Variants in TBC1D30 observed in about 807,000 individuals in gnomAD.
TBC1D30 encodes TBC1 domain family, member 30.
Under a neutral mutation model 63.2 loss-of-function variants are expected in TBC1D30, and 31 were observed. The observed-to-expected ratio is 0.49, with a 90% CI of 0.37 to 0.66. The LOEUF is 0.66. Ranked by LOEUF, TBC1D30 falls within the 30% of genes least tolerant of loss-of-function variation. The pLI is 0.00. For synonymous variants in TBC1D30, 307 were observed against 361.5 expected (o/e 0.85, Z 1.71); for missense variants, 810 against 953.6 (o/e 0.85, Z 1.98).
At chr12:64,803,730 T>C (rs1305718135) in intron 2 of TBC1D30, among the ~76,000 whole-genome samples, 1 of 152,238 alleles carries the variant, frequency 6.6e-6, no homozygotes, top group African/African-American at 2.4e-5. Flanking sequence ...TAGCCAGTTT[T>C]CCCAGCACCA....
chr12:64,818,767 A>G (rs1873707920), intron 2 of TBC1D30: 1 of 152,180 alleles, frequency 6.6e-6, no homozygotes, highest in Admixed American at 6.5e-5. Flanking sequence ...TAGCGTATGT[A>G]CTGTGTTCAT....
rs1001290648 is a variant in TBC1D30, at chr12:64,875,797, C to T, written c.*9C>T. The stretch of plus-strand genomic sequence containing the variant: ...GCACTAAAAAACGATGATGTCTCCC[C>T]GAAACTTTGTATCTGGACTCACCTT... On this transcript the variant is annotated 3_prime_UTR_variant, in exon 12 of 12. Transcript: ENST00000539867. The T allele has an allele frequency of 2.6e-5, 39 of 1,522,134 alleles. No individual in the cohort carries two copies. The Middle Eastern group carries it at 1.0e-3, about 40-fold the overall frequency. The allele number at this position is 1,522,134 out of a possible 1,614,324, so 94.3% of individuals were successfully genotyped here. A position where few individuals can be genotyped will look rare whatever the true frequency, so the allele number is the denominator to read the frequency against.
At chr12:64,838,305 A>AT (rs1875544657) in intron 6 of TBC1D30, among the ~76,000 whole-genome samples, 1 of 152,220 alleles carries the variant, frequency 6.6e-6, no homozygotes, top group Admixed American at 6.5e-5. Flanking sequence ...GCATTTGAAT[A>AT]TAAGTGGGCA....
In TBC1D30 at chr12:64,875,878, A is replaced by T; in HGVS notation, c.*90A>T. 1 of 1,316,430 alleles carries T rather than the reference A, an allele frequency of 7.6e-7. No individual in the cohort carries two copies. The highest frequency in any genetic ancestry group is 1.0e-6 in the Non-Finnish European group (1 of 990,600). The allele number at this position is 1,316,430 out of a possible 1,614,324, so 81.5% of individuals were successfully genotyped here. ...GGCTCTAAAAGAGTTTTATTTGTCC[A>T]GTGAAAATGAATAGGTTCAGGGATG... On this transcript the variant is annotated 3_prime_UTR_variant, in exon 12 of 12. Coordinates refer to ENST00000539867, the MANE Select transcript of TBC1D30 (RefSeq NM_015279.2).
Position 64,875,322 on chromosome 12 carries a change from C to T in TBC1D30, c.1820C>T (p.Ala607Val), listed in dbSNP as rs1878968587. The T allele has an allele frequency of 3.3e-6, 5 of 1,536,288 alleles. No homozygotes were observed. The highest frequency in any genetic ancestry group is 4.4e-6 in the Non-Finnish European group (5 of 1,146,918). Residue 607 changes from alanine (A) to valine (V), a missense_variant, in exon 12 of 12, where the codon GCA (alanine) becomes GTA (valine). Ala to Val is a moderately conservative substitution (Grantham distance 64, BLOSUM62 0). Transcript: ENST00000539867. ...AGCAAGACCAATGGGCTGGGGGCAG[C>T]AGAGGCATTCCCCTCTGGTTGTACA... ...EASKTNGLGA[A>V]EAFPSGCTAT...
upstream of TBC1D30, among the ~76,000 whole-genome samples, chr12:64,776,146 A>G (rs543010542): frequency 1.1e-4 from 17 of 152,356 alleles, no homozygotes; most frequent in African/African-American, 4.1e-4. Context: ...AGGGAAATTT[A>G]TAGCACTAAA....
rs140999950 is a variant in TBC1D30, at chr12:64,849,816, A to G, written c.1038+6331A>G. On this transcript the variant is annotated intron_variant, in intron 8 of 11. Transcript: ENST00000539867. Reference sequence around the variant, plus strand: ...TTTTTCTAATTCTGTGAAGAAAGTCAATGGTAACTTGATGGGGATAGCATT... The same window carrying G: ...TTTTTCTAATTCTGTGAAGAAAGTCGATGGTAACTTGATGGGGATAGCATT... 3.4e-3 allele frequency among the ~76,000 whole-genome samples: 515 copies of G among 152,288 alleles called. 3 individuals carry two copies. The highest frequency in any genetic ancestry group is 0.011 in the African/African-American group (463 of 41,564).
chr12:64,843,574 G>A (rs1029702368), intron 8 of TBC1D30, 89 bp downstream of exon 8: 1 of 917,716 alleles, frequency 1.1e-6, no homozygotes, highest in South Asian at 1.5e-5. Context: ...TGAGAAATGT[G>A]CTTGGTTAGC....
chr12:64,863,671 C>T (rs771304690), intron 8 of TBC1D30, among the ~76,000 whole-genome samples: 26 of 152,254 alleles, frequency 1.7e-4, no homozygotes, highest in Middle Eastern at 3.4e-3. Context: ...AATAAAATTA[C>T]AGGGGACTGT....
intron 1 of TBC1D30, among the ~76,000 whole-genome samples, chr12:64,783,923 G>C (rs1462327881): frequency 2.7e-5 from 2 of 73,400 alleles, no homozygotes; most frequent in African/African-American, 1.0e-4. Context: ...CCCCTGAAGT[G>C]CTGGGATTAC....
At chr12:64,865,473 A>G (rs1025320032) in intron 9 of TBC1D30, among the ~76,000 whole-genome samples, 1 of 152,056 alleles carries the variant, frequency 6.6e-6, no homozygotes, top group Non-Finnish European at 1.5e-5. Flanking sequence ...AGTAGACTCA[A>G]AAATATCTGT....
intron 8 of TBC1D30, among the ~76,000 whole-genome samples, chr12:64,862,783 GA>G (rs1227912246): frequency 6.6e-6 from 1 of 152,124 alleles, no homozygotes; most frequent in Non-Finnish European, 1.5e-5. Context: ...TTAAATGTCT[GA>G]ACACATTTCT....
At position 64,797,028 on chromosome 12, in the gene TBC1D30, C is replaced by CA. The variant is rs552416081; in HGVS notation, c.643+11008dup. Among the ~76,000 whole-genome samples the CA allele has an allele frequency of 2.2e-3, 167 of 75,092 alleles. 4 individuals carry two copies. Among genetic ancestry groups the CA allele is most frequent in the South Asian group, 3.2e-3 (5 of 1,552 alleles). The allele number at this position is 75,092 out of a possible 152,430, so 49.3% of individuals were successfully genotyped here. Reference sequence around the variant, plus strand: ...TATCTTCAAGTATCATTCTCCTCTGCAAAAAAAAAAAAAAAAAAAAAAAAA... The same window carrying CA: ...TATCTTCAAGTATCATTCTCCTCTGCAAAAAAAAAAAAAAAAAAAAAAAAAA... On this transcript the variant is annotated intron_variant, in intron 2 of 12. Coordinates refer to the TBC1D30 transcript ENST00000542120.
At chr12:64,790,960 A>G (rs1273407054) in intron 2 of TBC1D30, among the ~76,000 whole-genome samples, 1 of 152,220 alleles carries the variant, frequency 6.6e-6, no homozygotes. Flanking sequence ...TTGAAGACAT[A>G]TGTCCCCACA....
intron 1 of TBC1D30, among the ~76,000 whole-genome samples, chr12:64,771,563 C>A (rs147478106): frequency 8.1e-4 from 124 of 152,270 alleles, no homozygotes; most frequent in African/African-American, 2.7e-3. Flanking sequence ...TCCCATATCA[C>A]TAGTCATAGT....
chr12:64,760,015 C>T (rs1870440014), intron 1 of TBC1D30, among the ~76,000 whole-genome samples: 1 of 152,182 alleles, frequency 6.6e-6, no homozygotes. Context: ...TAATTATGTT[C>T]TTCTTTCCTC....
At chr12:64,821,566 T>G (rs974690186), upstream of TBC1D30, among the ~76,000 whole-genome samples, 2 of 152,102 alleles carry the variant, frequency 1.3e-5, no homozygotes, top group Non-Finnish European at 2.9e-5. Flanking sequence ...CCTGCTGGAT[T>G]TTCCCTCTCC....
chr12:64,761,295 G>A (rs1424566181), intron 1 of TBC1D30, among the ~76,000 whole-genome samples: 2 of 152,032 alleles, frequency 1.3e-5, no homozygotes, highest in Non-Finnish European at 2.9e-5. Context: ...AACTATTTGA[G>A]GCCAGAAATT....
chr12:64,770,766 C>T (rs1192550285), intron 1 of TBC1D30, among the ~76,000 whole-genome samples: 5 of 150,394 alleles, frequency 3.3e-5, no homozygotes, highest in South Asian at 2.1e-4. Flanking sequence ...TGCAGTGGTG[C>T]GATCTCAGCT....
Sources: allele counts gnomAD v4.1 joint callset (sites outside exome capture counted in the v4.1 genomes callset), GRCh38; gene constraint gnomAD v4.1.1; transcripts MANE v1.5; gene names NCBI Gene and HGNC (gene_info 2026-07-23, HGNC 2026-07-21).